Variants in FARP1 observed in about 807,000 individuals in gnomAD.
FARP1 encodes the protein FERM, ARH/RhoGEF and pleckstrin domain protein 1, also known as FERM, ARHGEF and pleckstrin domain-containing protein 1.
FARP1 carries 52 observed loss-of-function variants against 128.8 expected under a neutral mutation model. The observed-to-expected ratio is 0.40, with a 90% CI of 0.32 to 0.51. FARP1 has a LOEUF of 0.51. Ranked by LOEUF, FARP1 falls within the 20% of genes least tolerant of loss-of-function variation. FARP1 has a pLI of 0.45. For missense variants in FARP1, 1,333 were observed against 1,367.9 expected (o/e 0.97, Z 0.40); for synonymous variants, 580 against 551.8 (o/e 1.05, Z -0.72).
At chr13:98,144,143 G>A (rs72653374) in intron 1 of FARP1, among the ~76,000 whole-genome samples, 7,493 of 152,220 alleles carry the variant, frequency 0.049, 216 homozygotes, top group Middle Eastern at 0.075. Context: ...TCTGATTGTG[G>A]TTTTACGATT....
chr13:98,394,181 A>G (rs1316384477), intron 12 of FARP1, among the ~76,000 whole-genome samples: 2 of 152,202 alleles, frequency 1.3e-5, no homozygotes, highest in South Asian at 2.1e-4. Flanking sequence ...AGTGACCACA[A>G]TTGGCAGTAA....
chr13:98,384,977 A>G (rs947392982), intron 7 of FARP1, 133 bp downstream of exon 7: 38 of 628,208 alleles, frequency 6.0e-5, no homozygotes, highest in Non-Finnish European at 8.8e-5. Context: ...AAAGAAGATC[A>G]CAGAGGCTCA....
intron 2 of FARP1, chr13:98,334,005 C>G (rs1887633770): frequency 6.6e-6 from 1 of 152,220 alleles, no homozygotes; most frequent in East Asian, 1.9e-4. Context: ...TAGAGCTCGC[C>G]TAGTCTGGAT....
chr13:98,395,527 G>C, intron 13 of FARP1, 51 bp downstream of exon 13: 2 of 1,523,398 alleles, frequency 1.3e-6, no homozygotes, highest in Non-Finnish European at 1.8e-6. Flanking sequence ...TCCTTTCATT[G>C]ACTGCAGTGA....
intron 26 of FARP1, chr13:98,448,000 A>C: frequency 3.5e-6 from 2 of 567,618 alleles, no homozygotes; most frequent in Non-Finnish European, 6.3e-6. Flanking sequence ...TGGAGCGGGC[A>C]GTGTCACTGC....
At chr13:98,299,127 GCTGGGTAATAAAGCAATACATGT>G (rs1296351871) in intron 2 of FARP1, among the ~76,000 whole-genome samples, 1 of 152,170 alleles carries the variant, frequency 6.6e-6, no homozygotes, top group Non-Finnish European at 1.5e-5. Flanking sequence ...TGATTTTAAT[GCTGGGTAATAAAGCAATACATGT>G]TCCTATCAAA....
chr13:98,188,282 G>A (rs1173296143), intron 1 of FARP1, among the ~76,000 whole-genome samples: 1 of 152,154 alleles, frequency 6.6e-6, no homozygotes, highest in Non-Finnish European at 1.5e-5. Flanking sequence ...GGCCGGGTGC[G>A]GTGGCTCACA....
At chr13:98,446,628 A>C (rs2281766) in intron 25 of FARP1, 38 bp from the exon 26 acceptor site, 1,259,622 of 1,606,864 alleles carry the variant, frequency 0.78, 503,237 homozygotes, top group Non-Finnish European at 0.83. Flanking sequence ...GCAGAAGCTG[A>C]CCCCGAAAAG....
chr13:98,149,016 A>G (rs1875779782), intron 1 of FARP1, among the ~76,000 whole-genome samples: 1 of 151,732 alleles, frequency 6.6e-6, no homozygotes, highest in African/African-American at 2.4e-5. Flanking sequence ...CCTCCCAAGT[A>G]GCTGGAACTA....
chr13:98,243,695 T>TAA (rs1882907196), intron 2 of FARP1, among the ~76,000 whole-genome samples: 1 of 70,604 alleles, frequency 1.4e-5, no homozygotes, highest in African/African-American at 8.2e-5. Context: ...AGACTCCATC[T>TAA]CAAAAAAAAA....
At chr13:98,392,820 GT>G (rs1195602316) in intron 11 of FARP1, among the ~76,000 whole-genome samples, 12 of 114,590 alleles carry the variant, frequency 1.0e-4, no homozygotes, top group African/African-American at 4.7e-4. Flanking sequence ...TGTTCAGGAG[GT>G]TTTTTTCAGG....
At chr13:98,357,508 C>T (rs940280048) in intron 3 of FARP1, among the ~76,000 whole-genome samples, 22 of 152,092 alleles carry the variant, frequency 1.4e-4, no homozygotes, top group African/African-American at 4.1e-4. Context: ...ATATTTTCTT[C>T]GGGAATGCTG....
intron 6 of FARP1, among the ~76,000 whole-genome samples, chr13:98,379,151 AATAT>A (rs375616871): frequency 7.3e-5 from 5 of 68,684 alleles, no homozygotes; most frequent in African/African-American, 3.5e-4. Flanking sequence ...ATCTATATAT[AATAT>A]ATATATAATA....
chr13:98,303,942 C>A (rs1303759997), intron 2 of FARP1, among the ~76,000 whole-genome samples: 1 of 152,176 alleles, frequency 6.6e-6, no homozygotes, highest in Non-Finnish European at 1.5e-5. Context: ...TTCCATTCAT[C>A]AGAGTTCACT....
At chr13:98,282,926 T>A (rs78900612) in intron 2 of FARP1, among the ~76,000 whole-genome samples, 3,598 of 152,146 alleles carry the variant, frequency 0.024, 146 homozygotes, top group African/African-American at 0.082. Context: ...AAATAAAAAA[T>A]TTTCTGGAAA....
intron 2 of FARP1, among the ~76,000 whole-genome samples, chr13:98,221,897 T>TAA (rs1188789482): frequency 1.3e-5 from 2 of 152,216 alleles, no homozygotes; most frequent in African/African-American, 4.8e-5. Context: ...AATGTAAATA[T>TAA]AAAAACATTG....
Position 98,385,776 on chromosome 13 carries a change from A to G in FARP1, c.721A>G (p.Asn241Asp), listed in dbSNP as rs1325226012. 3.1e-6 allele frequency: 5 copies of G among 1,614,056 alleles called. No individual in the cohort carries two copies. The highest frequency in any genetic ancestry group is 1.3e-5 in the African/African-American group (1 of 74,934). ...PAKDREGTKINLAVANTGILV... is the reference protein window; with the variant it reads ...PAKDREGTKIDLAVANTGILV... ...CAAGGACAGGGAAGGCACGAAGATC[A>G]ATCTGGCCGTTGCCAACACGGGAAT... Residue 241 changes from asparagine (N) to aspartate (D), a missense_variant, in exon 8 of 27, where the codon AAT becomes GAT. Coordinates refer to ENST00000319562, the MANE Select transcript of FARP1 (RefSeq NM_005766.4).
At chr13:98,264,139 G>T (rs1300165815) in intron 2 of FARP1, among the ~76,000 whole-genome samples, 1 of 152,176 alleles carries the variant, frequency 6.6e-6, no homozygotes, top group Non-Finnish European at 1.5e-5. Flanking sequence ...CTGCAAAACG[G>T]TGCTAATACT....
chr13:98,347,168 G>C (rs7996974), intron 3 of FARP1, among the ~76,000 whole-genome samples: 33 of 152,218 alleles, frequency 2.2e-4, no homozygotes, highest in African/African-American at 7.2e-4. Flanking sequence ...GTCTCTTAGC[G>C]TGCAACCCAG....
Sources: gnomAD v4.1 joint callset for allele counts (sites outside exome capture counted in the v4.1 genomes callset) on GRCh38, gnomAD v4.1.1 for gene constraint, MANE v1.5 for transcripts, NCBI Gene and HGNC (gene_info 2026-07-23, HGNC 2026-07-21) for gene names.